The following TRPV4 variants were observed in gnomAD, a reference collection of about 807,000 sequenced individuals.
The protein encoded by TRPV4 is OSM9-like transient receptor potential channel 4.
Under a neutral mutation model 84.1 loss-of-function variants are expected in TRPV4, and 58 were observed. The observed-to-expected ratio is 0.69, with a 90% confidence interval of 0.56 to 0.86. The LOEUF (loss-of-function observed/expected upper bound fraction) is 0.86. TRPV4 is among the 40% of genes least tolerant of loss of function. TRPV4 has a pLI of 0.00. For synonymous variants in TRPV4, 489 were observed against 500.9 expected (o/e 0.98, Z 0.32); for missense variants, 879 against 1,181.1 (o/e 0.74, Z 3.75).
Position 109,788,118 on chromosome 12 carries a change from C to G in TRPV4, c.2208+282G>C, listed in dbSNP as rs7299388. Among the ~76,000 whole-genome samples the G allele has an allele frequency of 0.41, 62,494 of 151,980 alleles. 13,594 individuals are homozygous for G. The highest frequency in any genetic ancestry group is 0.58 in the South Asian group (2,813 of 4,822). ...GCACTTTCTGAGCCGGCAGAAGTCA[C>G]TCAGTCATGCTAGGTGGAGCCGACT... On this transcript the variant is annotated intron_variant, in intron 13 of 15. Transcript: ENST00000261740.
intron 1 of TRPV4, among the ~76,000 whole-genome samples, chr12:109,825,826 C>T (rs1892238305): frequency 6.6e-6 from 1 of 152,136 alleles, no homozygotes; most frequent in South Asian, 2.1e-4. Context: ...GGGCAGGAGT[C>T]GGGGAAGGGA....
chr12:109,788,793 T>C, intron 12 of TRPV4, 77 bp from the exon 13 acceptor site: 1 of 1,556,818 alleles, frequency 6.4e-7, no homozygotes, highest in Non-Finnish European at 8.8e-7. Context: ...TCTCATTTGC[T>C]GGAGGAGAAA....
rs1592846582 is a variant in TRPV4, at chr12:109,803,071, G to A, written c.632C>T (p.Pro211Leu). The change falls in exon 4 of 16, where the codon CCT becomes CTT. Residue 211 changes from proline (P) to leucine (L), a missense_variant. Physicochemically the swap from Pro to Leu is moderately conservative, Grantham distance 98. Transcript: ENST00000261740. ...NLSNGRNDTI[P>L]VLLDIAERTG... ...GCGCTCCGCGATGTCCAGCAGCACA[G>A]GGATGGTGTCGTTGCGGCCATTGCT... 6.2e-7 allele frequency: 1 copy of A among 1,614,202 alleles called. No individual in the cohort carries two copies.
chr12:109,801,336 T>TG (rs1238782798), intron 4 of TRPV4, among the ~76,000 whole-genome samples: 1 of 152,214 alleles, frequency 6.6e-6, no homozygotes, highest in Non-Finnish European at 1.5e-5. Context: ...CCATGTATCA[T>TG]GGGAGGGACC....
intron 1 of TRPV4, among the ~76,000 whole-genome samples, chr12:109,820,514 C>CTTTTTTTTTTT (rs1186445597): frequency 0.013 from 1,545 of 122,778 alleles, 243 homozygotes; most frequent in East Asian, 0.077. Flanking sequence ...TTCAGCTGCC[C>CTTTTTTTTTTT]TATTTTTTTT....
chr12:109,808,513 G>T, intron 2 of TRPV4, 45 bp from the exon 3 acceptor site: 1 of 1,578,934 alleles, frequency 6.3e-7, no homozygotes. Flanking sequence ...CTCATCCCCT[G>T]CCTGCCCCAC....
rs755945349 is a variant in TRPV4 at position 109,792,647 on chromosome 12, C to T, written c.1824+5G>A. 3.5e-5 allele frequency: 57 copies of T among 1,613,986 alleles called. No individual in the cohort carries two copies. The highest frequency in any genetic ancestry group is 3.2e-4 in the South Asian group (29 of 91,068). On this transcript the variant is annotated splice_donor_5th_base_variant and intron_variant, in intron 11 of 15. Transcript: ENST00000261740. ...ACGAGTCCAGAGGGTCCTCCCAGCC[C>T]GTACCTTCTGGATCATGATGCTATA...
chr12:109,795,961 A>G (rs1228552251), intron 7 of TRPV4, among the ~76,000 whole-genome samples: 1 of 151,144 alleles, frequency 6.6e-6, no homozygotes, highest in Non-Finnish European at 1.5e-5. Flanking sequence ...GTTTCGCCAT[A>G]TTGCCCAGGC....
At chr12:109,827,649 CGCAA>C (rs1447972342) in intron 1 of TRPV4, among the ~76,000 whole-genome samples, 1 of 150,700 alleles carries the variant, frequency 6.6e-6, no homozygotes, top group African/African-American at 2.5e-5. Context: ...TACATATACA[CGCAA>C]ACATACACAC....
Position 109,788,534 on chromosome 12 carries a change from G to A in TRPV4, c.2074C>T (p.Pro692Ser). 1 of 1,614,236 alleles carries A rather than the reference G, an allele frequency of 6.2e-7. No individual in the cohort carries two copies. The highest frequency in any genetic ancestry group is 8.5e-7 in the Non-Finnish European group (1 of 1,180,044). ...DLEMLSSTKY[P>S]VVFIILLVTY... ...ACCAGCAGGATGATGAAGACCACGG[G>A]GTACTTGGTGCTGCTCAGCATCTCC... The change falls in exon 13 of 16, where the codon CCC (proline) becomes TCC (serine). Residue 692 changes from proline to serine, a missense_variant. Pro to Ser is a moderately conservative substitution (Grantham distance 74, BLOSUM62 -1). This residue lies in a region of TRPV4 where 242 missense variants were observed against 355.3 expected (regional missense o/e 0.68). Transcript: ENST00000261740.
Position 109,814,285 on chromosome 12 carries a change from TTGGATGGACAGATGGATGGA to T in TRPV4, c.386+106_386+125del. 1 of 1,106,090 alleles carries T rather than the reference TTGGATGGACAGATGGATGGA, an allele frequency of 9.0e-7. No homozygotes were observed. The highest frequency in any genetic ancestry group is 1.3e-5 in the South Asian group (1 of 74,594). 68.5% of individuals were successfully genotyped at this position (1,106,090 alleles called of 1,614,324 possible). ...GATGGATGGATAGATGTATGGATGG[TTGGATGGACAGATGGATGGA>T]TGGATGAATCGACGGATGGGTGGAT... On this transcript the variant is annotated intron_variant, in intron 2 of 15. Coordinates refer to ENST00000261740, the MANE Select transcript of TRPV4 (RefSeq NM_021625.5). The surrounding 1 kb of genome is among the most constrained non-coding windows in gnomAD (Gnocchi z 5.4).
Position 109,814,186 on chromosome 12 carries a change from T to TTGGA in TRPV4, c.386+221_386+224dup, listed in dbSNP as rs1440710237. 6.7e-6 allele frequency among the ~76,000 whole-genome samples: 1 copy of TTGGA among 149,918 alleles called. No homozygotes were observed. The highest frequency in any genetic ancestry group is 1.5e-5 in the Non-Finnish European group (1 of 67,392). On this transcript the variant is annotated intron_variant, in intron 2 of 15. Transcript: ENST00000261740. This position sits in a 1 kb window ranked among gnomAD's most constrained non-coding sequence, Gnocchi z 5.4. Reference sequence around the variant, plus strand: ...GATTGATGGATAGATGTGTGGATGGTTGGATGGATGGACGAATAGATGGGT... The same window carrying TTGGA: ...GATTGATGGATAGATGTGTGGATGGTTGGATGGATGGATGGACGAATAGATGGGT...
chr12:109,810,294 G>T (rs985154518), intron 2 of TRPV4, among the ~76,000 whole-genome samples: 2 of 152,196 alleles, frequency 1.3e-5, no homozygotes, highest in Non-Finnish European at 2.9e-5. Context: ...ATGAATAAGA[G>T]ACTAAAGAGA....
rs1304864579 is a variant in TRPV4 at position 109,802,308 on chromosome 12, T to TC, written c.712+682_712+683insG. ...ACAAGCCTGGCTTTTTTTGCATCTTTTTTTTTTTTTTGAGATGAGTCTTGC... is the reference window on the plus strand; with the variant it reads ...ACAAGCCTGGCTTTTTTTGCATCTTTCTTTTTTTTTTTGAGATGAGTCTTGC... On this transcript the variant is annotated intron_variant, in intron 4 of 15. Transcript: ENST00000261740. Among the ~76,000 whole-genome samples the TC allele has an allele frequency of 2.7e-5, 4 of 150,472 alleles. No homozygotes were observed. The East Asian group carries it at 7.8e-4, about 29-fold the overall frequency.
intron 1 of TRPV4, among the ~76,000 whole-genome samples, chr12:109,824,981 C>T (rs1050944601): frequency 7.9e-5 from 12 of 152,000 alleles, no homozygotes; most frequent in East Asian, 1.9e-4. Context: ...ATAATTACTA[C>T]GACCTGGGTG....
At chr12:109,822,197 G>T (rs1892125124) in intron 1 of TRPV4, among the ~76,000 whole-genome samples, 2 of 151,472 alleles carry the variant, frequency 1.3e-5, no homozygotes, top group African/African-American at 2.4e-5. Flanking sequence ...ATGGGTGAGT[G>T]GGTGGGCAGT....
At chr12:109,819,601 A>T (rs1892012131) in intron 1 of TRPV4, among the ~76,000 whole-genome samples, 1 of 152,100 alleles carries the variant, frequency 6.6e-6, no homozygotes, top group Non-Finnish European at 1.5e-5. Context: ...TCACTCTCTC[A>T]CCCAGACTGC....
intron 3 of TRPV4, among the ~76,000 whole-genome samples, chr12:109,803,632 T>C (rs1890949600): frequency 6.6e-6 from 1 of 151,802 alleles, no homozygotes. Context: ...TTTTTAATTT[T>C]TATTTTCGTA....
At chr12:109,799,849 C>T (rs1304713913) in intron 5 of TRPV4, among the ~76,000 whole-genome samples, 1 of 152,170 alleles carries the variant, frequency 6.6e-6, no homozygotes, top group Non-Finnish European at 1.5e-5. Flanking sequence ...CAGCCTCGAA[C>T]TCCTAGGTTC....
Sources: gnomAD v4.1 joint callset for allele counts (sites outside exome capture counted in the v4.1 genomes callset) on GRCh38, gnomAD v4.1.1 for gene constraint, gnomAD v4.1.1 regional missense constraint, Gnocchi (gnomAD v3.1) non-coding constraint, MANE v1.5 for transcripts, NCBI Gene and HGNC (gene_info 2026-07-23, HGNC 2026-07-21) for gene names.